WWC2: variants seen among roughly 807,000 people sequenced by gnomAD.
WWC2 encodes the protein WW and C2 domain containing 2, also known as protein WWC2.
Under a neutral mutation model 138.5 loss-of-function variants are expected in WWC2, and 101 were observed. The observed-to-expected ratio is 0.73, with a 90% CI of 0.62 to 0.86. The LOEUF (loss-of-function observed/expected upper bound fraction) is 0.86. Ranked by LOEUF, WWC2 falls within the 40% of genes least tolerant of loss-of-function variation. The pLI is 0.00. For missense variants in WWC2, 1,420 were observed against 1,419.4 expected (o/e 1.00, Z -0.01); for synonymous variants, 558 against 538.4 (o/e 1.04, Z -0.50).
intron 1 of WWC2, among the ~76,000 whole-genome samples, chr4:183,191,094 C>G (rs1212322987): frequency 2.0e-5 from 3 of 151,778 alleles, no homozygotes; most frequent in Non-Finnish European, 4.4e-5. Flanking sequence ...GACCTGGCAC[C>G]AGAGCTCTAT....
intron 1 of WWC2, among the ~76,000 whole-genome samples, chr4:183,116,620 C>CTGGAAAA (rs1561421619): frequency 6.6e-6 from 1 of 152,170 alleles, no homozygotes; most frequent in East Asian, 1.9e-4. Flanking sequence ...GATAGAGCCT[C>CTGGAAAA]CTTCAGGATT....
At chr4:183,262,392 C>G (rs1226613661) in intron 11 of WWC2, among the ~76,000 whole-genome samples, 1 of 152,212 alleles carries the variant, frequency 6.6e-6, no homozygotes, top group Non-Finnish European at 1.5e-5. Flanking sequence ...CCACACAAAA[C>G]AGGGCAGGGC....
At position 183,208,071 on chromosome 4, in the gene WWC2, G is replaced by C. The variant is rs1735493652; in HGVS notation, c.360G>C (p.Val120=). 6.2e-7 allele frequency: 1 copy of C among 1,613,920 alleles called. No individual in the cohort carries two copies. The change falls in exon 3 of 23, where the codon GTG becomes GTC. Residue 120 remains valine (V), a synonymous_variant. Transcript: ENST00000403733. The stretch of plus-strand genomic sequence containing the variant: ...GGACACAGAAGGAACTGTACCATGT[G>C]AAGGAGCAGAGGCTGGCGCTGGCCC... ...ALRTQKELYH[V]KEQRLALALD... is the part of the protein sequence containing the mutation.
chr4:183,311,025 A>G (rs537697024), intron 21 of WWC2, among the ~76,000 whole-genome samples: 6 of 152,266 alleles, frequency 3.9e-5, no homozygotes, highest in African/African-American at 1.4e-4. Flanking sequence ...ACTTGCCCAG[A>G]TTTACATCGC....
intron 1 of WWC2, among the ~76,000 whole-genome samples, chr4:183,131,027 A>G (rs1732910679): frequency 6.6e-6 from 1 of 152,222 alleles, no homozygotes; most frequent in African/African-American, 2.4e-5. Context: ...TGAAAGTTAG[A>G]TATAGATCAG....
At chr4:183,305,800 A>G (rs879480872) in intron 21 of WWC2, among the ~76,000 whole-genome samples, 2 of 152,234 alleles carry the variant, frequency 1.3e-5, no homozygotes, top group Admixed American at 6.5e-5. Flanking sequence ...TATGTTAGCA[A>G]CATGGATCTA....
In WWC2 at chr4:183,247,613, A is replaced by G. The variant is rs186226731; in HGVS notation, c.733-1101A>G. ...TATATATGCTATATATGCTATATATACTATATATACTATATACTATATATA... is the reference window on the plus strand; with the variant it reads ...TATATATGCTATATATGCTATATATGCTATATATACTATATACTATATATA... On this transcript the variant is annotated intron_variant, in intron 6 of 22. Coordinates refer to ENST00000403733, the MANE Select transcript of WWC2 (RefSeq NM_024949.6). Among the ~76,000 whole-genome samples, 137 of 133,888 alleles carry G rather than the reference A, an allele frequency of 1.0e-3. 1 individual carries two copies. The highest frequency in any genetic ancestry group is 3.9e-3 in the African/African-American group (128 of 32,680). 87.8% of individuals were successfully genotyped at this position (133,888 alleles called of 152,430 possible).
rs1734169448 is a variant in WWC2, at chr4:183,167,906, AGTGCAGTGATGTGATCTT to A, written c.132-25691_132-25674del. ...ATGTCTTGCTTTGTCACCAGGCTGG[AGTGCAGTGATGTGATCTT>A]GGCTCAGTGCAACCTTTGCCTCCTG... On this transcript the variant is annotated intron_variant, in intron 1 of 22. Transcript: ENST00000403733. 2.1e-5 allele frequency among the ~76,000 whole-genome samples: 3 copies of A among 140,576 alleles called. No homozygotes were observed. The South Asian group carries it at 6.8e-4, about 32-fold the overall frequency. The allele number at this position is 140,576 out of a possible 152,430, so 92.2% of individuals were successfully genotyped here.
intron 1 of WWC2, among the ~76,000 whole-genome samples, chr4:183,108,954 C>T (rs999734849): frequency 4.6e-5 from 7 of 152,164 alleles, no homozygotes; most frequent in Non-Finnish European, 2.9e-5. Flanking sequence ...ACCATACCAA[C>T]AGGGAAAAGT....
At chr4:183,151,763 G>A (rs1437822473) in intron 1 of WWC2, among the ~76,000 whole-genome samples, 8 of 152,268 alleles carry the variant, frequency 5.3e-5, no homozygotes, top group African/African-American at 1.9e-4. Context: ...CATATGGCTA[G>A]CCAGTTTTCC....
intron 1 of WWC2, among the ~76,000 whole-genome samples, chr4:183,151,008 T>C (rs1268384963): frequency 1.3e-5 from 2 of 152,188 alleles, no homozygotes; most frequent in Non-Finnish European, 2.9e-5. Flanking sequence ...TACGTGTGCA[T>C]GTGTCTTTAT....
intron 4 of WWC2, among the ~76,000 whole-genome samples, chr4:183,212,374 A>G (rs1735622954): frequency 6.6e-6 from 1 of 152,004 alleles, no homozygotes; most frequent in Non-Finnish European, 1.5e-5. Context: ...TCCATCCATA[A>G]TTCTCTGTTC....
intron 5 of WWC2, among the ~76,000 whole-genome samples, chr4:183,243,838 G>A (rs1305738411): frequency 6.8e-6 from 1 of 148,060 alleles, no homozygotes; most frequent in Admixed American, 6.8e-5. Flanking sequence ...ATTATCAGAT[G>A]ATCTTATGAT....
chr4:183,270,492 G>C (rs1222313952), intron 15 of WWC2, among the ~76,000 whole-genome samples: 2 of 152,092 alleles, frequency 1.3e-5, no homozygotes, highest in Non-Finnish European at 2.9e-5. Context: ...GGCCGGGTGT[G>C]GTGGGTCATG....
intron 4 of WWC2, among the ~76,000 whole-genome samples, chr4:183,237,909 T>C (rs1268566513): frequency 6.6e-6 from 1 of 152,132 alleles, no homozygotes; most frequent in East Asian, 1.9e-4. Flanking sequence ...TCACAGTGTA[T>C]TTTGTCTCTG....
At chr4:183,118,381 T>C (rs1157477198) in intron 1 of WWC2, among the ~76,000 whole-genome samples, 1 of 152,228 alleles carries the variant, frequency 6.6e-6, no homozygotes, top group Non-Finnish European at 1.5e-5. Flanking sequence ...CTTATCCCTG[T>C]TACAGGTTGC....
At chr4:183,313,104 G>A (rs1251634275) in intron 22 of WWC2, among the ~76,000 whole-genome samples, 3 of 152,164 alleles carry the variant, frequency 2.0e-5, no homozygotes, top group African/African-American at 7.2e-5. Flanking sequence ...CCTAGGGGTG[G>A]CAGTTTTGAG....
chr4:183,259,263 G>C (rs1737247400), intron 9 of WWC2, among the ~76,000 whole-genome samples: 1 of 152,162 alleles, frequency 6.6e-6, no homozygotes, highest in Non-Finnish European at 1.5e-5. Context: ...TTTTAGGAAA[G>C]GGTTCCCAGG....
At position 183,132,804 on chromosome 4, in the gene WWC2, T is replaced by C. The variant is rs138648622; in HGVS notation, c.131+33182T>C. Among the ~76,000 whole-genome samples, 207 of 152,222 alleles carry C rather than the reference T, an allele frequency of 1.4e-3. 1 individual carries two copies. The highest frequency in any genetic ancestry group is 4.8e-3 in the African/African-American group (201 of 41,562). ...AAATGATTTTTTTTTCTGTGAATAG[T>C]AGAAGTTATATTAAATACATTAATT... is the stretch of plus-strand genomic sequence containing the variant. On this transcript the variant is annotated intron_variant, in intron 1 of 22. Transcript: ENST00000403733.
Sources: gnomAD v4.1 joint callset for allele counts (sites outside exome capture counted in the v4.1 genomes callset) on GRCh38, gnomAD v4.1.1 for gene constraint, MANE v1.5 for transcripts, NCBI Gene and HGNC (gene_info 2026-07-23, HGNC 2026-07-21) for gene names.